FYN: variants seen among roughly 807,000 people sequenced by gnomAD.
FYN encodes the protein FYN proto-oncogene, Src family tyrosine kinase.
A neutral mutation model predicts 70.2 loss-of-function variants in FYN; 10 were observed. The ratio of observed to expected loss-of-function variants is 0.14; its 90% CI spans 0.09 to 0.24. The LOEUF (loss-of-function observed/expected upper bound fraction) is 0.24. FYN is among the 10% of genes least tolerant of loss of function. The pLI is 1.00. For synonymous variants in FYN, 236 were observed against 248.6 expected (o/e 0.95, Z 0.48); for missense variants, 319 against 673.1 (o/e 0.47, Z 5.82).
intron 3 of FYN, among the ~76,000 whole-genome samples, chr6:111,777,935 C>T (rs149943506): frequency 3.6e-3 from 551 of 152,256 alleles, no homozygotes; most frequent in Middle Eastern, 0.014. Context: ...GCACTGCCAC[C>T]CTCCCTACTT....
chr6:111,717,724 A>C (rs1213598279), intron 4 of FYN, among the ~76,000 whole-genome samples: 2 of 152,176 alleles, frequency 1.3e-5, no homozygotes, highest in East Asian at 1.9e-4. Flanking sequence ...TCAGCCTTCC[A>C]AAGTGCTGGG....
intron 12 of FYN, among the ~76,000 whole-genome samples, chr6:111,689,134 A>G (rs896829409): frequency 3.9e-5 from 6 of 152,206 alleles, no homozygotes; most frequent in African/African-American, 1.4e-4. Flanking sequence ...TGTAAGTTTC[A>G]CACTAATGAT....
At position 111,797,915 on chromosome 6, in the gene FYN, A is replaced by G. The variant is rs924535894; in HGVS notation, c.-81-17280T>C. ...GTAGCTGGGACTACAGGCATGTGCC[A>G]CCATGTCCAGCTAATTTTTGTATTT... On this transcript the variant is annotated intron_variant, in intron 2 of 13. Coordinates refer to ENST00000354650, the MANE Select transcript of FYN (RefSeq NM_002037.5). Among the ~76,000 whole-genome samples the G allele has an allele frequency of 1.7e-4, 26 of 151,594 alleles. 1 individual carries two copies. The highest frequency in any genetic ancestry group is 6.0e-4 in the African/African-American group (25 of 41,330).
At chr6:111,797,831 T>C (rs926676416) in intron 2 of FYN, among the ~76,000 whole-genome samples, 9 of 151,832 alleles carry the variant, frequency 5.9e-5, no homozygotes, top group Non-Finnish European at 1.0e-4. Context: ...GGCACGATCT[T>C]GGCTCACTGC....
intron 1 of FYN, among the ~76,000 whole-genome samples, chr6:111,847,799 AT>A (rs1320010027): frequency 1.3e-5 from 2 of 152,246 alleles, no homozygotes; most frequent in African/African-American, 4.8e-5. Flanking sequence ...TTTGAAACTC[AT>A]ATATTGTTCT....
intron 13 of FYN, among the ~76,000 whole-genome samples, chr6:111,673,762 C>T (rs1798415785): frequency 6.6e-6 from 1 of 151,894 alleles, no homozygotes; most frequent in Non-Finnish European, 1.5e-5. Context: ...GCTATAACCA[C>T]TAAAGCGTGG....
At chr6:111,778,156 G>A (rs1771024071) in intron 3 of FYN, among the ~76,000 whole-genome samples, 1 of 152,156 alleles carries the variant, frequency 6.6e-6, no homozygotes, top group Non-Finnish European at 1.5e-5. Flanking sequence ...GGGAAGTAGA[G>A]GCCTCCTCAA....
At chr6:111,828,489 A>G (rs762085712) in intron 2 of FYN, among the ~76,000 whole-genome samples, 48 of 152,218 alleles carry the variant, frequency 3.2e-4, no homozygotes, top group Non-Finnish European at 5.6e-4. Flanking sequence ...CACAATAGCC[A>G]AAAGGCAGAA....
chr6:111,797,049 TC>T (rs1771826471), intron 2 of FYN, among the ~76,000 whole-genome samples: 1 of 152,202 alleles, frequency 6.6e-6, no homozygotes, highest in Non-Finnish European at 1.5e-5. Context: ...TAATGTTGTT[TC>T]CAAGAAAGAT....
At chr6:111,799,764 G>A (rs1280755760) in intron 2 of FYN, among the ~76,000 whole-genome samples, 1 of 152,168 alleles carries the variant, frequency 6.6e-6, no homozygotes, top group East Asian at 1.9e-4. Flanking sequence ...CATCTCCACT[G>A]CCCCCTGTCT....
At chr6:111,761,679 C>A (rs784590) in intron 3 of FYN, among the ~76,000 whole-genome samples, 1 of 152,226 alleles carries the variant, frequency 6.6e-6, no homozygotes, top group African/African-American at 2.4e-5. Context: ...CAGAGCCTTC[C>A]GGGGCGACAA....
chr6:111,778,631 T>C (rs1771045947), intron 3 of FYN, among the ~76,000 whole-genome samples: 8 of 151,612 alleles, frequency 5.3e-5, no homozygotes, highest in Admixed American at 5.3e-4. Flanking sequence ...TGAAGTGGCG[T>C]AGTCTTGGCT....
chr6:111,752,486 G>C (rs1036875745), intron 3 of FYN, among the ~76,000 whole-genome samples: 3 of 152,234 alleles, frequency 2.0e-5, no homozygotes, highest in African/African-American at 7.2e-5. Flanking sequence ...CCATTGAGGA[G>C]AGACATTTTG....
At chr6:111,810,335 G>A (rs1772283925) in intron 2 of FYN, among the ~76,000 whole-genome samples, 1 of 152,186 alleles carries the variant, frequency 6.6e-6, no homozygotes, top group African/African-American at 2.4e-5. Flanking sequence ...GGCCTTCACT[G>A]AGAGTATCCC....
intron 3 of FYN, among the ~76,000 whole-genome samples, chr6:111,750,736 T>TTA (rs34935393): frequency 6.6e-6 from 1 of 150,860 alleles, no homozygotes; most frequent in Non-Finnish European, 1.5e-5. Context: ...TTTTTTTTTT[T>TTA]ACTAACATTG....
chr6:111,867,125 CCA>C (rs958960448), intron 1 of FYN, among the ~76,000 whole-genome samples: 3 of 152,132 alleles, frequency 2.0e-5, no homozygotes, highest in African/African-American at 7.2e-5. Context: ...GTGACCTCAC[CCA>C]CATCCATGGC....
At chr6:111,848,304 C>T (rs928232079) in intron 1 of FYN, among the ~76,000 whole-genome samples, 2 of 152,172 alleles carry the variant, frequency 1.3e-5, no homozygotes, top group African/African-American at 4.8e-5. Flanking sequence ...ATTACCATTT[C>T]CAAAGTAGGG....
chr6:111,772,091 G>C (rs1045419472), intron 3 of FYN, among the ~76,000 whole-genome samples: 2 of 152,164 alleles, frequency 1.3e-5, no homozygotes, highest in Admixed American at 6.5e-5. Flanking sequence ...CTGTAATGTG[G>C]GAAGAAAGTG....
At chr6:111,766,822 A>C (rs1803245061) in intron 3 of FYN, among the ~76,000 whole-genome samples, 1 of 152,176 alleles carries the variant, frequency 6.6e-6, no homozygotes. Flanking sequence ...CTCCCATGAC[A>C]TGTGGGGATT....
Sources: allele counts gnomAD v4.1 joint callset (sites outside exome capture counted in the v4.1 genomes callset), GRCh38; gene constraint gnomAD v4.1.1; transcripts MANE v1.5; gene names NCBI Gene and HGNC (gene_info 2026-07-23, HGNC 2026-07-21).